Variants in TRDN observed in about 807,000 individuals in gnomAD.
TRDN encodes triadin in skeletal muscle.
TRDN carries 161 observed loss-of-function variants against 149.7 expected under a neutral mutation model. The ratio of observed to expected loss-of-function variants is 1.08; its 90% CI spans 0.95 to 1.23. The LOEUF (loss-of-function observed/expected upper bound fraction) is 1.23. Ranked by LOEUF, TRDN falls within the 50% of genes most tolerant of loss-of-function variation. The pLI is 0.00. For synonymous variants in TRDN, 294 were observed against 250.5 expected, an observed-to-expected ratio of 1.17 and a Z score of -1.64; for missense variants, 896 against 823.5, an observed-to-expected ratio of 1.09 and a Z score of -1.08.
chr6:123,629,967 A>G (rs200266877), intron 1 of TRDN, among the ~76,000 whole-genome samples: 1 of 152,080 alleles, frequency 6.6e-6, no homozygotes, highest in East Asian at 1.9e-4. Flanking sequence ...TTACATGACA[A>G]TCAAATAAGT....
intron 12 of TRDN, among the ~76,000 whole-genome samples, chr6:123,435,981 C>G (rs1211754252): frequency 6.6e-6 from 1 of 151,434 alleles, no homozygotes; most frequent in Non-Finnish European, 1.5e-5. Flanking sequence ...TAAAACCAAG[C>G]CAAACACACA....
intron 9 of TRDN, among the ~76,000 whole-genome samples, chr6:123,465,244 A>G (rs1776716308): frequency 6.6e-6 from 1 of 152,168 alleles, no homozygotes; most frequent in South Asian, 2.1e-4. Context: ...TATCTACTGG[A>G]CTTCATTAAT....
rs200517831 is a variant in TRDN at position 123,504,266 on chromosome 6, C to T, written c.611-365G>A. On this transcript the variant is annotated intron_variant, in intron 7 of 40. Transcript: ENST00000334268. ...GATGTACAGGAATTTCTGTGAAAGACAATTTCCATACCAAACAGCCCAGTG... is the reference window on the plus strand; with the variant it reads ...GATGTACAGGAATTTCTGTGAAAGATAATTTCCATACCAAACAGCCCAGTG... Among the ~76,000 whole-genome samples, 10 of 152,114 alleles carry T rather than the reference C, an allele frequency of 6.6e-5. No individual in the cohort carries two copies. The East Asian group carries it at 2.0e-3, about 30-fold the overall frequency.
At chr6:123,500,258 G>A (rs752943399) in intron 8 of TRDN, among the ~76,000 whole-genome samples, 6 of 152,092 alleles carry the variant, frequency 3.9e-5, no homozygotes, top group Non-Finnish European at 7.4e-5. Context: ...TGAGAAAGAT[G>A]TTTTTATTCC....
intron 25 of TRDN, among the ~76,000 whole-genome samples, chr6:123,278,595 G>A (rs1361012175): frequency 6.6e-6 from 1 of 152,196 alleles, no homozygotes; most frequent in East Asian, 1.9e-4. Context: ...GGTGGCTCAT[G>A]CCTGTAATCT....
chr6:123,450,633 T>C (rs11154165), intron 10 of TRDN, among the ~76,000 whole-genome samples: 22,984 of 152,018 alleles, frequency 0.15, 2,255 homozygotes, highest in African/African-American at 0.28. Context: ...ATTAGATAGA[T>C]AGCAACACAA....
intron 23 of TRDN, among the ~76,000 whole-genome samples, chr6:123,328,121 G>T (rs1276594040): frequency 6.6e-6 from 1 of 152,154 alleles, no homozygotes; most frequent in Non-Finnish European, 1.5e-5. Flanking sequence ...GGCATGTAAT[G>T]GCAGAAAATC....
intron 1 of TRDN, among the ~76,000 whole-genome samples, chr6:123,595,397 G>T (rs537689235): frequency 1.3e-5 from 2 of 152,192 alleles, no homozygotes; most frequent in East Asian, 3.9e-4. Context: ...ATGGGACAAA[G>T]CCAATTTGCC....
intron 9 of TRDN, chr6:123,471,805 T>C (rs141344054): frequency 6.6e-6 from 1 of 152,316 alleles, no homozygotes; most frequent in Non-Finnish European, 1.5e-5. Flanking sequence ...GAAGTGGAAA[T>C]AATTTTCCAT....
At chr6:123,381,925 C>A (rs913864110) in intron 15 of TRDN, among the ~76,000 whole-genome samples, 193 bp downstream of exon 15, 2 of 151,592 alleles carry the variant, frequency 1.3e-5, no homozygotes, top group Admixed American at 6.6e-5. Context: ...CGAAATACTT[C>A]TCATAGCAGT....
intron 9 of TRDN, among the ~76,000 whole-genome samples, chr6:123,473,704 G>A (rs1453994222): frequency 2.6e-5 from 4 of 151,378 alleles, no homozygotes; most frequent in African/African-American, 9.7e-5. Flanking sequence ...GAAAGGTCGG[G>A]TTACCCTCAA....
chr6:123,587,655 T>C (rs1190989182), intron 1 of TRDN, among the ~76,000 whole-genome samples: 2 of 152,008 alleles, frequency 1.3e-5, no homozygotes, highest in African/African-American at 4.8e-5. Context: ...GTGTGAGCAA[T>C]AAAGCTGTTT....
rs564579324 is a variant in TRDN at position 123,434,978 on chromosome 6, G to A, written c.1051+3085C>T. ...AACTTCCCCAGAGATCACTGGCAAA[G>A]TGTGATTTACCAGTGTCATACGGTA... On this transcript the variant is annotated intron_variant, in intron 12 of 40. Coordinates refer to ENST00000334268, the MANE Select transcript of TRDN (RefSeq NM_006073.4). 2.3e-4 allele frequency among the ~76,000 whole-genome samples: 35 copies of A among 151,864 alleles called. No individual in the cohort carries two copies. In the South Asian group the frequency reaches 6.5e-3, roughly 28 times the overall value.
At chr6:123,535,122 G>T (rs552676088) in intron 4 of TRDN, among the ~76,000 whole-genome samples, 1 of 152,050 alleles carries the variant, frequency 6.6e-6, no homozygotes, top group Non-Finnish European at 1.5e-5. Context: ...AATTCTTAAA[G>T]GTATGAGTTT....
chr6:123,537,161 G>T (rs1182012813), intron 4 of TRDN, among the ~76,000 whole-genome samples: 1 of 152,108 alleles, frequency 6.6e-6, no homozygotes, highest in Middle Eastern at 3.2e-3. Flanking sequence ...TTGAGAGCAA[G>T]ATTTAAAACC....
chr6:123,349,742 C>T (rs926214983), intron 21 of TRDN: 1 of 983,156 alleles, frequency 1.0e-6, no homozygotes, highest in Non-Finnish European at 1.2e-6. Context: ...ATATTATTAG[C>T]ATTCACTTGA....
chr6:123,481,345 T>C (rs1020411045), intron 9 of TRDN, among the ~76,000 whole-genome samples: 1 of 151,188 alleles, frequency 6.6e-6, no homozygotes. Flanking sequence ...ATGTCATATT[T>C]AAATTATAAG....
At chr6:123,373,976 A>C (rs1331339108) in intron 19 of TRDN, among the ~76,000 whole-genome samples, 1 of 152,216 alleles carries the variant, frequency 6.6e-6, no homozygotes, top group Non-Finnish European at 1.5e-5. Flanking sequence ...GTATGACTTC[A>C]ATGCCAAAAT....
chr6:123,478,728 T>C (rs1172262704), intron 9 of TRDN, among the ~76,000 whole-genome samples: 1 of 152,186 alleles, frequency 6.6e-6, no homozygotes, highest in East Asian at 1.9e-4. Flanking sequence ...CAGTGAAATG[T>C]TCAATACATG....
Sources: gnomAD v4.1 joint callset for allele counts (sites outside exome capture counted in the v4.1 genomes callset) on GRCh38, gnomAD v4.1.1 for gene constraint, MANE v1.5 for transcripts, NCBI Gene and HGNC (gene_info 2026-07-23, HGNC 2026-07-21) for gene names.